CFAP20DC: variants seen among roughly 807,000 people sequenced by gnomAD.
CFAP20DC encodes CFAP20 domain containing.
CFAP20DC carries 84 observed loss-of-function variants against 101.7 expected under a neutral mutation model. That is an observed-to-expected ratio of 0.83 (90% CI 0.69 to 0.99). The LOEUF (loss-of-function observed/expected upper bound fraction) is 0.99. Ranked by LOEUF, CFAP20DC falls within the 50% of genes least tolerant of loss-of-function variation. CFAP20DC has a pLI of 0.00. For synonymous variants in CFAP20DC, 359 were observed against 351.2 expected, an observed-to-expected ratio of 1.02 and a Z score of -0.25; for missense variants, 1,007 against 970.3, an observed-to-expected ratio of 1.04 and a Z score of -0.50.
At chr3:58,962,263 C>T (rs1044581946) in intron 4 of CFAP20DC, among the ~76,000 whole-genome samples, 1 of 151,978 alleles carries the variant, frequency 6.6e-6, no homozygotes, top group Non-Finnish European at 1.5e-5. Flanking sequence ...TATTATTCAT[C>T]CTTTGACTCA....
rs1253163243 is a variant in CFAP20DC, at chr3:58,732,126, A to G, written c.198-14498T>C. ...AAAGATGATGAGGACAATCATCAAG[A>G]GAGTCATTTCAACTCAGTGGTAAGA... is the stretch of plus-strand genomic sequence containing the variant. On this transcript the variant is annotated intron_variant, in intron 3 of 3. Coordinates refer to the CFAP20DC transcript ENST00000486145. This position sits in a 1 kb window ranked among gnomAD's most constrained non-coding sequence, Gnocchi z 5.4. Among the ~76,000 whole-genome samples, 1 of 152,236 alleles carries G rather than the reference A, an allele frequency of 6.6e-6. No homozygotes were observed. Among genetic ancestry groups the G allele is most frequent in the Non-Finnish European group, 1.5e-5 (1 of 68,042 alleles).
At chr3:58,787,982 T>C (rs968908170) in intron 15 of CFAP20DC, among the ~76,000 whole-genome samples, 3 of 147,568 alleles carry the variant, frequency 2.0e-5, no homozygotes, top group African/African-American at 7.5e-5. Flanking sequence ...CACTGGGGCC[T>C]GTTGGGGGGT....
chr3:58,855,247 C>T (rs566818842), intron 12 of CFAP20DC, among the ~76,000 whole-genome samples: 1 of 152,320 alleles, frequency 6.6e-6, no homozygotes, highest in Non-Finnish European at 1.5e-5. Context: ...TGCTCACCAT[C>T]ACTGGCCATC....
chr3:58,822,134 G>A (rs1311554268), intron 14 of CFAP20DC, among the ~76,000 whole-genome samples: 1 of 117,690 alleles, frequency 8.5e-6, no homozygotes, highest in Non-Finnish European at 1.7e-5. Context: ...ATCATACTCT[G>A]GGGACTGTTG....
At chr3:58,951,545 G>A (rs1464780049) in intron 4 of CFAP20DC, among the ~76,000 whole-genome samples, 2 of 152,126 alleles carry the variant, frequency 1.3e-5, no homozygotes, top group Admixed American at 6.6e-5. Flanking sequence ...AAGAAAATGT[G>A]GCACATATAC....
intron 14 of CFAP20DC, among the ~76,000 whole-genome samples, chr3:58,827,824 C>A (rs1363173910): frequency 6.6e-6 from 1 of 152,198 alleles, no homozygotes; most frequent in Admixed American, 6.5e-5. Context: ...TCCTCAGTAG[C>A]CAGCCTAGTT....
chr3:59,006,274 G>A lies in CFAP20DC; in HGVS notation c.278+33283C>T, dbSNP rs1483689234. Among the ~76,000 whole-genome samples, 5 of 152,266 alleles carry A rather than the reference G, an allele frequency of 3.3e-5. No homozygotes were observed. The highest frequency in any genetic ancestry group is 3.4e-3 in the Middle Eastern group (1 of 294). On this transcript the variant is annotated intron_variant, in intron 4 of 16. Transcript: ENST00000482387. The surrounding 1 kb of genome is among the most constrained non-coding windows in gnomAD (Gnocchi z 4.3). ...AAATCATGACGTTAAAAAGCCATCA[G>A]AAGGAGATGGGAGGAAGATGGTGCC...
At chr3:58,806,694 TA>T (rs1412370013) in intron 14 of CFAP20DC, among the ~76,000 whole-genome samples, 4 of 152,132 alleles carry the variant, frequency 2.6e-5, no homozygotes, top group Non-Finnish European at 5.9e-5. Context: ...TTCATCTCAC[TA>T]GGGAGTGCCA....
At chr3:58,796,831 A>G (rs1575664009) in intron 15 of CFAP20DC, among the ~76,000 whole-genome samples, 2 of 152,316 alleles carry the variant, frequency 1.3e-5, no homozygotes, top group Admixed American at 1.3e-4. Flanking sequence ...ACATTCTGGT[A>G]ATTCTCTAAA....
intron 4 of CFAP20DC, among the ~76,000 whole-genome samples, chr3:58,963,443 T>C (rs964452760): frequency 5.9e-5 from 9 of 152,084 alleles, no homozygotes; most frequent in African/African-American, 2.2e-4. Context: ...ATCACAAGAA[T>C]ACTTGTGATC....
chr3:59,008,031 C>T (rs1242842478), intron 4 of CFAP20DC, among the ~76,000 whole-genome samples: 2 of 152,170 alleles, frequency 1.3e-5, no homozygotes, highest in African/African-American at 2.4e-5. Context: ...CCCCCCAGCA[C>T]TCCATTGCAG....
Position 58,913,071 on chromosome 3 carries a change from C to T in CFAP20DC, c.550+637G>A, listed in dbSNP as rs1163250429. 2.0e-5 allele frequency among the ~76,000 whole-genome samples: 3 copies of T among 152,154 alleles called. No homozygotes were observed. Among genetic ancestry groups the T allele is most frequent in the Non-Finnish European group, 4.4e-5 (3 of 68,028 alleles). ...CAACCTAGACTCCACAGGACAGAAA[C>T]AGCCACACCAAACGTTTTCAGTGGA... On this transcript the variant is annotated intron_variant, in intron 6 of 16. Transcript: ENST00000482387. This position sits in a 1 kb window ranked among gnomAD's most constrained non-coding sequence, Gnocchi z 4.4.
chr3:58,738,228 GGTTT>G (rs2067802423), downstream of CFAP20DC, among the ~76,000 whole-genome samples: 1 of 151,994 alleles, frequency 6.6e-6, no homozygotes, highest in Non-Finnish European at 1.5e-5. The surrounding 1 kb of genome is among the most constrained non-coding windows in gnomAD (Gnocchi z 4.4). Context: ...AGGATGTGCA[GGTTT>G]GTTATGTAGG....
Position 58,788,345 on chromosome 3 carries a change from G to A in CFAP20DC, c.2237+18050C>T, listed in dbSNP as rs1047195581. 2.0e-5 allele frequency among the ~76,000 whole-genome samples: 3 copies of A among 151,998 alleles called. No homozygotes were observed. The highest frequency in any genetic ancestry group is 7.2e-5 in the African/African-American group (3 of 41,390). On this transcript the variant is annotated intron_variant, in intron 15 of 16. Transcript: ENST00000482387. This position sits in a 1 kb window ranked among gnomAD's most constrained non-coding sequence, Gnocchi z 4.2. ...CAAATTAAATTCACATTTAAACCAC[G>A]GTTACCGGGGAAATCCTATTGGTGA... is the stretch of plus-strand genomic sequence containing the variant.
chr3:58,838,567 T>C (rs1322833325), intron 13 of CFAP20DC, among the ~76,000 whole-genome samples: 1 of 152,190 alleles, frequency 6.6e-6, no homozygotes, highest in African/African-American at 2.4e-5. Context: ...CTCTCTTTTT[T>C]GGGGAGGAGC....
intron 6 of CFAP20DC, among the ~76,000 whole-genome samples, chr3:58,898,888 GTTA>G (rs1482733959): frequency 6.6e-6 from 1 of 150,706 alleles, no homozygotes; most frequent in Non-Finnish European, 1.5e-5. Context: ...TTTTGTTTAT[GTTA>G]TTGTTGTTTT....
intron 5 of CFAP20DC, among the ~76,000 whole-genome samples, chr3:58,917,354 T>C (rs1373572784): frequency 6.6e-6 from 1 of 152,174 alleles, no homozygotes; most frequent in East Asian, 1.9e-4. Flanking sequence ...ATATTTTTGA[T>C]TCCCTATGCT....
In CFAP20DC at chr3:58,874,949, G is replaced by A. The variant is rs377475696; in HGVS notation, c.716-4640C>T. On this transcript the variant is annotated intron_variant, in intron 7 of 16. Transcript: ENST00000482387. This position sits in a 1 kb window ranked among gnomAD's most constrained non-coding sequence, Gnocchi z 5.1. Reference sequence around the variant, plus strand: ...TTCATTAAATGAAATGAGTCAGAAGGGAAGTTGGATTAAATGACTCAAAAA... The same window carrying A: ...TTCATTAAATGAAATGAGTCAGAAGAGAAGTTGGATTAAATGACTCAAAAA... Among the ~76,000 whole-genome samples the A allele has an allele frequency of 6.6e-6, 1 of 152,176 alleles. No homozygotes were observed. Among genetic ancestry groups the A allele is most frequent in the East Asian group, 1.9e-4 (1 of 5,188 alleles).
chr3:58,956,178 A>G (rs1300721211), intron 4 of CFAP20DC, among the ~76,000 whole-genome samples: 1 of 151,772 alleles, frequency 6.6e-6, no homozygotes, highest in African/African-American at 2.4e-5. Flanking sequence ...TTCGTCTTGT[A>G]TCTTAGGTAC....
Sources: gnomAD v4.1 joint callset for allele counts (sites outside exome capture counted in the v4.1 genomes callset) on GRCh38, gnomAD v4.1.1 for gene constraint, Gnocchi (gnomAD v3.1) non-coding constraint, MANE v1.5 for transcripts, NCBI Gene and HGNC (gene_info 2026-07-23, HGNC 2026-07-21) for gene names.